The following TSPEAR variants were observed in gnomAD, a reference collection of about 807,000 sequenced individuals.
The protein encoded by TSPEAR is thrombospondin-type laminin G domain and EAR repeat-containing protein.
Under a neutral mutation model 71.6 loss-of-function variants are expected in TSPEAR, and 69 were observed. The ratio of observed to expected loss-of-function variants is 0.96; its 90% CI spans 0.79 to 1.18. TSPEAR has a LOEUF of 1.18. TSPEAR is among the 50% of genes most tolerant of loss of function. The pLI is 0.00. For synonymous variants in TSPEAR, 402 were observed against 387.2 expected (o/e 1.04, Z -0.45); for missense variants, 971 against 894.9 (o/e 1.09, Z -1.09).
intron 1 of TSPEAR, chr21:44,573,860 G>A (rs782610570): frequency 1.2e-6 from 2 of 1,613,972 alleles, no homozygotes; most frequent in South Asian, 1.1e-5. Context: ...ACTGCCCAGA[G>A]AGCTGCTGCG....
intron 1 of TSPEAR, among the ~76,000 whole-genome samples, chr21:44,595,267 C>A (rs587685924): frequency 3.1e-4 from 47 of 152,304 alleles, no homozygotes; most frequent in African/African-American, 1.1e-3. Context: ...TATATGCACA[C>A]ACACAGCCCA....
chr21:44,678,972 T>C (rs1272900036), intron 1 of TSPEAR, among the ~76,000 whole-genome samples: 1 of 152,226 alleles, frequency 6.6e-6, no homozygotes, highest in Non-Finnish European at 1.5e-5. Flanking sequence ...CTACTGTTCC[T>C]TGTATAAGAG....
intron 10 of TSPEAR, chr21:44,508,798 G>A: frequency 7.5e-7 from 1 of 1,325,436 alleles, no homozygotes; most frequent in Non-Finnish European, 1.0e-6. Context: ...ATCATGTCTG[G>A]TGGCAGCTGG....
At chr21:44,512,313 GGA>G (rs1308374135) in intron 9 of TSPEAR, among the ~76,000 whole-genome samples, 1 of 150,278 alleles carries the variant, frequency 6.7e-6, no homozygotes, top group Non-Finnish European at 1.5e-5. Context: ...GAAGGTGTCA[GGA>G]GAGAGGTGAG....
Position 44,509,178 on chromosome 21 carries a change from CTGG to C in TSPEAR, c.1754+18_1754+20del. The C allele has an allele frequency of 6.2e-7, 1 of 1,608,270 alleles. No individual in the cohort carries two copies. The highest frequency in any genetic ancestry group is 1.1e-5 in the South Asian group (1 of 90,652). ...CTCCCAGAGATCAGCCCACCTCCCA[CTGG>C]CCTGTGGAGGCGCATACCTGCAGGT... On this transcript the variant is annotated intron_variant, in intron 10 of 11. Transcript: ENST00000323084.
intron 1 of TSPEAR, chr21:44,646,701 G>A (rs1555939919): frequency 1.9e-6 from 3 of 1,614,102 alleles, no homozygotes; most frequent in East Asian, 2.2e-5. Context: ...CATGCTGCCA[G>A]CAGTCTAGCT....
intron 1 of TSPEAR, among the ~76,000 whole-genome samples, chr21:44,626,469 T>C (rs1445100903): frequency 1.3e-5 from 2 of 152,162 alleles, no homozygotes; most frequent in Non-Finnish European, 2.9e-5. Flanking sequence ...CTAGCACAGC[T>C]ACTTCACGGG....
intron 1 of TSPEAR, among the ~76,000 whole-genome samples, chr21:44,662,526 C>G (rs898583829): frequency 6.6e-6 from 1 of 152,144 alleles, no homozygotes; most frequent in Non-Finnish European, 1.5e-5. Context: ...ACAGATAAAT[C>G]AGATTTGTCA....
Position 44,546,204 on chromosome 21 carries a change from A to G in TSPEAR, c.304-12281T>C, listed in dbSNP as rs1234452856. 1.3e-5 allele frequency among the ~76,000 whole-genome samples: 2 copies of G among 152,170 alleles called. No individual in the cohort carries two copies. Among genetic ancestry groups the G allele is most frequent in the African/African-American group, 2.4e-5 (1 of 41,450 alleles). On this transcript the variant is annotated intron_variant, in intron 2 of 11. Transcript: ENST00000323084. The surrounding 1 kb of genome is among the most constrained non-coding windows in gnomAD (Gnocchi z 4.4). ...ATGGAAGAATTCTTATAAACACACAAACTACCGACATGGCTACCTTTCCTT... is the reference window on the plus strand; with the variant it reads ...ATGGAAGAATTCTTATAAACACACAGACTACCGACATGGCTACCTTTCCTT...
chr21:44,576,788 C>T (rs906754765), intron 1 of TSPEAR, among the ~76,000 whole-genome samples: 9 of 152,150 alleles, frequency 5.9e-5, no homozygotes, highest in African/African-American at 2.2e-4. Context: ...AAAAACCAAG[C>T]CGACTTAAGG....
In TSPEAR at chr21:44,617,599, G is replaced by A. The variant is rs368415985; in HGVS notation, c.83-49594C>T. Among the ~76,000 whole-genome samples the A allele has an allele frequency of 1.1e-4, 17 of 152,360 alleles. 1 individual carries two copies. The highest frequency in any genetic ancestry group is 2.2e-4 in the African/African-American group (9 of 41,586). On this transcript the variant is annotated intron_variant, in intron 1 of 11. Coordinates refer to ENST00000323084, the MANE Select transcript of TSPEAR (RefSeq NM_144991.3). ...CAAGGGATGCTGGCAAGGTGTGGCC[G>A]TGACCAGGTTGCCTGCAAGAGGCCC...
At chr21:44,537,853 G>A (rs1274564359) in intron 2 of TSPEAR, among the ~76,000 whole-genome samples, 1 of 152,222 alleles carries the variant, frequency 6.6e-6, no homozygotes, top group African/African-American at 2.4e-5. Context: ...AATGTGAACA[G>A]GAAACTTTCA....
At chr21:44,625,416 A>G (rs1349492556) in intron 1 of TSPEAR, among the ~76,000 whole-genome samples, 4 of 152,170 alleles carry the variant, frequency 2.6e-5, no homozygotes, top group African/African-American at 9.7e-5. Context: ...ACATAGCAAG[A>G]CTCTGGTCTC....
Position 44,546,302 on chromosome 21 carries a change from A to G in TSPEAR, c.304-12379T>C, listed in dbSNP as rs1450678639. Among the ~76,000 whole-genome samples the G allele has an allele frequency of 6.6e-6, 1 of 152,148 alleles. No homozygotes were observed. Among genetic ancestry groups the G allele is most frequent in the Non-Finnish European group, 1.5e-5 (1 of 68,024 alleles). Reference sequence around the variant, plus strand: ...TTAGCATTTCTTGTAAGGCAAGTCTATTGGCAATGAGCTTTTTCAGGTTTT... The same window carrying G: ...TTAGCATTTCTTGTAAGGCAAGTCTGTTGGCAATGAGCTTTTTCAGGTTTT... On this transcript the variant is annotated intron_variant, in intron 2 of 11. Transcript: ENST00000323084. This position sits in a 1 kb window ranked among gnomAD's most constrained non-coding sequence, Gnocchi z 4.4.
intron 1 of TSPEAR, among the ~76,000 whole-genome samples, chr21:44,587,213 A>G (rs1485112947): frequency 6.6e-6 from 1 of 152,234 alleles, no homozygotes; most frequent in Non-Finnish European, 1.5e-5. Context: ...AAATTAATGT[A>G]CACAAATCAG....
intron 1 of TSPEAR, among the ~76,000 whole-genome samples, chr21:44,655,134 C>T (rs587773563): frequency 5.3e-5 from 8 of 152,314 alleles, no homozygotes; most frequent in South Asian, 2.1e-4. Context: ...CTGTGCCAGG[C>T]TGTGATTATC....
intron 1 of TSPEAR, among the ~76,000 whole-genome samples, chr21:44,594,465 G>C (rs1980223519): frequency 6.6e-6 from 1 of 152,186 alleles, no homozygotes. Context: ...TCAGACACCA[G>C]ATCTTGCAAG....
intron 1 of TSPEAR, among the ~76,000 whole-genome samples, chr21:44,620,951 C>T (rs1982395247): frequency 6.6e-6 from 1 of 152,354 alleles, no homozygotes; most frequent in East Asian, 1.9e-4. Context: ...TTAGGTTACA[C>T]ATATTTGTGA....
In TSPEAR at chr21:44,587,265, A is replaced by G. The variant is rs587600886; in HGVS notation, c.83-19260T>C. ...CAACAGCGACTAAGCTGAGAATCAAATCAAGAACTCAATCCCTTTTACAAT... is the reference window on the plus strand; with the variant it reads ...CAACAGCGACTAAGCTGAGAATCAAGTCAAGAACTCAATCCCTTTTACAAT... On this transcript the variant is annotated intron_variant, in intron 1 of 11. Coordinates refer to ENST00000323084, the MANE Select transcript of TSPEAR (RefSeq NM_144991.3). 7.9e-5 allele frequency among the ~76,000 whole-genome samples: 12 copies of G among 152,362 alleles called. No individual in the cohort carries two copies. The South Asian group carries it at 2.5e-3, about 32-fold the overall frequency.
Sources: allele counts gnomAD v4.1 joint callset (sites outside exome capture counted in the v4.1 genomes callset), GRCh38; gene constraint gnomAD v4.1.1; non-coding constraint Gnocchi (gnomAD v3.1); transcripts MANE v1.5; gene names NCBI Gene and HGNC (gene_info 2026-07-23, HGNC 2026-07-21).